Variants in DENND1B observed in about 807,000 individuals in gnomAD.
The protein encoded by DENND1B is DENN domain-containing protein 1B.
A neutral mutation model predicts 90.1 loss-of-function variants in DENND1B; 59 were observed. The ratio of observed to expected loss-of-function variants is 0.65; its 90% CI spans 0.53 to 0.81. DENND1B has a LOEUF of 0.81. DENND1B is among the 40% of genes least tolerant of loss of function. DENND1B has a pLI of 0.00. For synonymous variants in DENND1B, 337 were observed against 324.6 expected (o/e 1.04, Z -0.41); for missense variants, 862 against 912.6 (o/e 0.94, Z 0.71).
intron 15 of DENND1B, among the ~76,000 whole-genome samples, chr1:197,570,085 C>T (rs1319300103): frequency 1.3e-5 from 2 of 151,690 alleles, no homozygotes; most frequent in African/African-American, 2.4e-5. Context: ...TAAATATATA[C>T]AATTTTTATT....
intron 3 of DENND1B, among the ~76,000 whole-genome samples, chr1:197,675,486 T>TATAATC (rs1160147258): frequency 6.6e-6 from 1 of 151,258 alleles, no homozygotes; most frequent in Non-Finnish European, 1.5e-5. Flanking sequence ...CTGGATTGCT[T>TATAATC]ATAATCATAA....
At chr1:197,698,603 CAA>C (rs143463140) in intron 3 of DENND1B, among the ~76,000 whole-genome samples, 121,332 of 149,534 alleles carry the variant, frequency 0.81, 49,180 homozygotes, top group East Asian at 0.89. Flanking sequence ...AAAAACTCAC[CAA>C]AAAAAAAAAA....
At chr1:197,632,142 T>C (rs1232044897) in intron 10 of DENND1B, among the ~76,000 whole-genome samples, 1 of 152,140 alleles carries the variant, frequency 6.6e-6, no homozygotes, top group Non-Finnish European at 1.5e-5. Flanking sequence ...GTCAGCTGGA[T>C]TCCCCCTACT....
intron 7 of DENND1B, among the ~76,000 whole-genome samples, chr1:197,647,359 T>C (rs1167043623): frequency 6.6e-6 from 1 of 152,026 alleles, no homozygotes; most frequent in Non-Finnish European, 1.5e-5. Context: ...GATTTTGAAA[T>C]GTTTCAAAAA....
chr1:197,772,308 T>C (rs908872081), intron 2 of DENND1B, among the ~76,000 whole-genome samples: 5 of 152,180 alleles, frequency 3.3e-5, no homozygotes, highest in African/African-American at 1.2e-4. Flanking sequence ...GAGTTGTAAG[T>C]TATATGGGCT....
intron 19 of DENND1B, 150 bp downstream of exon 19, chr1:197,540,809 C>A: frequency 1.6e-6 from 1 of 636,688 alleles, no homozygotes; most frequent in Admixed American, 3.2e-5. Context: ...CAGATAGTTG[C>A]CAGAGGGCTT....
chr1:197,553,190 G>A, intron 15 of DENND1B, 78 bp from the exon 16 acceptor site: 1 of 1,206,986 alleles, frequency 8.3e-7, no homozygotes, highest in East Asian at 2.8e-5. Flanking sequence ...ATTTTATAAG[G>A]TTAGATTTTT....
chr1:197,680,149 C>T (rs2125997492), intron 3 of DENND1B, among the ~76,000 whole-genome samples: 1 of 152,182 alleles, frequency 6.6e-6, no homozygotes, highest in Middle Eastern at 3.4e-3. Context: ...GTTGTGTCCC[C>T]AGGTTAACAC....
At chr1:197,529,401 C>G (rs900760267) in intron 20 of DENND1B, among the ~76,000 whole-genome samples, 1 of 150,484 alleles carries the variant, frequency 6.6e-6, no homozygotes, top group Non-Finnish European at 1.5e-5. Flanking sequence ...TGTGCATATG[C>G]GTGTGCCAGG....
intron 2 of DENND1B, chr1:197,734,169 A>C: frequency 2.2e-6 from 2 of 897,826 alleles, no homozygotes; most frequent in Non-Finnish European, 2.7e-6. Flanking sequence ...AATATTGAAC[A>C]GAAGAGAAAC....
intron 15 of DENND1B, among the ~76,000 whole-genome samples, chr1:197,572,495 C>T (rs1673261907): frequency 6.6e-6 from 1 of 152,244 alleles, no homozygotes. Context: ...CAGGGAATAG[C>T]TGAACAACAG....
chr1:197,536,575 T>C (rs185542650), intron 20 of DENND1B, among the ~76,000 whole-genome samples: 1 of 152,286 alleles, frequency 6.6e-6, no homozygotes, highest in East Asian at 1.9e-4. Flanking sequence ...GGGTGAAATG[T>C]AGCAGAAAAC....
chr1:197,660,792 C>T lies in DENND1B; in HGVS notation c.297-2423G>A, dbSNP rs1654331178. Among the ~76,000 whole-genome samples, 6 of 152,048 alleles carry T rather than the reference C, an allele frequency of 3.9e-5. No individual in the cohort carries two copies. The South Asian group carries it at 1.0e-3, about 26-fold the overall frequency. ...ACAAACTATCAATAAAGTGTGAGAA[C>T]AGATTAACAGCATTTTCAGTCAGGC... On this transcript the variant is annotated intron_variant, in intron 5 of 22. Transcript: ENST00000620048.
chr1:197,715,663 G>A (rs1447875975), intron 2 of DENND1B, among the ~76,000 whole-genome samples: 1 of 151,378 alleles, frequency 6.6e-6, no homozygotes, highest in Admixed American at 6.6e-5. Flanking sequence ...GATATTTGCA[G>A]GGCATTTCAC....
At chr1:197,690,920 T>A (rs574792067) in intron 3 of DENND1B, among the ~76,000 whole-genome samples, 1 of 151,768 alleles carries the variant, frequency 6.6e-6, no homozygotes, top group African/African-American at 2.4e-5. Context: ...CATTAAAATA[T>A]ATTTTAATGA....
chr1:197,570,423 G>T (rs923529397), intron 15 of DENND1B, among the ~76,000 whole-genome samples: 2 of 151,962 alleles, frequency 1.3e-5, no homozygotes, highest in South Asian at 4.2e-4. Context: ...AGTTATCCAA[G>T]GCCCACCAGA....
chr1:197,528,864 A>C (rs1356383103), intron 20 of DENND1B, among the ~76,000 whole-genome samples: 1 of 151,744 alleles, frequency 6.6e-6, no homozygotes, highest in African/African-American at 2.4e-5. Flanking sequence ...ATCTCAAAAA[A>C]AAAAAAAAAT....
intron 16 of DENND1B, chr1:197,552,719 G>T: frequency 8.8e-7 from 1 of 1,142,474 alleles, no homozygotes; most frequent in Non-Finnish European, 1.1e-6. Flanking sequence ...CTACTATTCA[G>T]AAGGAAAGAC....
chr1:197,663,081 A>G (rs1054099919), intron 5 of DENND1B, among the ~76,000 whole-genome samples: 2 of 152,092 alleles, frequency 1.3e-5, no homozygotes, highest in Non-Finnish European at 2.9e-5. Context: ...CCAAAATAAC[A>G]CCAATTATTT....
Sources: gnomAD v4.1 joint callset for allele counts (sites outside exome capture counted in the v4.1 genomes callset) on GRCh38, gnomAD v4.1.1 for gene constraint, MANE v1.5 for transcripts, NCBI Gene and HGNC (gene_info 2026-07-23, HGNC 2026-07-21) for gene names.